POFUT3: variants seen among roughly 807,000 people sequenced by gnomAD.
POFUT3 encodes GDP-fucose protein O-fucosyltransferase 3.
the POFUT3 span, among the ~76,000 whole-genome samples, chr8:33,472,546 C>A: frequency 6.6e-6 from 1 of 152,208 alleles, no homozygotes; most frequent in South Asian, 2.1e-4. Flanking sequence ...TTAAATACGC[C>A]GTATTCTCTG....
At chr8:33,394,565 T>C in the POFUT3 span, among the ~76,000 whole-genome samples, 1 of 152,186 alleles carries the variant, frequency 6.6e-6, no homozygotes, top group African/African-American at 2.4e-5. Context: ...AGTGATAAAG[T>C]TGTTTTTCAC....
At chr8:33,446,285 C>T in the POFUT3 span, among the ~76,000 whole-genome samples, 4 of 151,894 alleles carry the variant, frequency 2.6e-5, 1 homozygote, top group South Asian at 4.2e-4. Flanking sequence ...GGTGAAATGC[C>T]GTCTCTACTC....
the POFUT3 span, among the ~76,000 whole-genome samples, chr8:33,467,105 C>A: frequency 6.7e-6 from 1 of 149,556 alleles, no homozygotes; most frequent in Non-Finnish European, 1.5e-5. Context: ...GACTCTGTCT[C>A]AAAAAAAACA....
the POFUT3 span, among the ~76,000 whole-genome samples, chr8:33,422,205 G>C: frequency 6.6e-6 from 1 of 151,050 alleles, no homozygotes; most frequent in African/African-American, 2.4e-5. Context: ...TTTGCTACTA[G>C]ATAACAGAGG....
chr8:33,330,103 C>T, the POFUT3 span, among the ~76,000 whole-genome samples: 1 of 152,068 alleles, frequency 6.6e-6, no homozygotes, highest in Admixed American at 6.6e-5. Context: ...TAAACGTTTG[C>T]TTCATTCCAA....
the POFUT3 span, among the ~76,000 whole-genome samples, chr8:33,458,140 A>G: frequency 6.6e-6 from 1 of 152,138 alleles, no homozygotes. Flanking sequence ...ACACACAATT[A>G]CAGAGAGAAG....
At chr8:33,317,288 A>C in the POFUT3 span, among the ~76,000 whole-genome samples, 1 of 152,238 alleles carries the variant, frequency 6.6e-6, no homozygotes, top group South Asian at 2.1e-4. Context: ...TGGCACATCA[A>C]TTTCAGATAA....
chr8:33,448,631 T>C, the POFUT3 span, among the ~76,000 whole-genome samples: 1 of 152,008 alleles, frequency 6.6e-6, no homozygotes, highest in Non-Finnish European at 1.5e-5. Context: ...GGTCTCTCTA[T>C]TCATAAAGAC....
At chr8:33,469,316 CA>C in the POFUT3 span, among the ~76,000 whole-genome samples, 1 of 152,168 alleles carries the variant, frequency 6.6e-6, no homozygotes, top group Admixed American at 6.5e-5. Flanking sequence ...GAAAAAAAAG[CA>C]AAAACAAAAA....
At chr8:33,433,625 A>C in the POFUT3 span, among the ~76,000 whole-genome samples, 2 of 150,186 alleles carry the variant, frequency 1.3e-5, no homozygotes, top group African/African-American at 4.9e-5. Flanking sequence ...AAAAAAAAAA[A>C]ATTGAAAAAC....
At chr8:33,472,696 G>T in the POFUT3 span, among the ~76,000 whole-genome samples, 2 of 152,198 alleles carry the variant, frequency 1.3e-5, no homozygotes, top group African/African-American at 2.4e-5. Context: ...CCGCGGACCT[G>T]GGGAGGAGGC....
At chr8:33,309,334 GT>G in the POFUT3 span, among the ~76,000 whole-genome samples, 1 of 141,844 alleles carries the variant, frequency 7.1e-6, no homozygotes, top group Admixed American at 7.0e-5. Flanking sequence ...GATAAAGGTT[GT>G]TTATCCTTAA....
At chr8:33,330,715 T>C in the POFUT3 span, among the ~76,000 whole-genome samples, 12 of 152,196 alleles carry the variant, frequency 7.9e-5, no homozygotes, top group Non-Finnish European at 1.3e-4. Flanking sequence ...TTGTAGTTCA[T>C]ATTATCATTG....
chr8:33,450,441 A>T, the POFUT3 span, among the ~76,000 whole-genome samples: 1 of 152,256 alleles, frequency 6.6e-6, no homozygotes, highest in African/African-American at 2.4e-5. Flanking sequence ...AATGGAAGGT[A>T]TTCAGTAGAT....
chr8:33,329,133 C>T, the POFUT3 span, among the ~76,000 whole-genome samples: 1 of 151,190 alleles, frequency 6.6e-6, no homozygotes. Context: ...AACAATATAC[C>T]ACCTGTCAAA....
chr8:33,406,558 T>C, the POFUT3 span, among the ~76,000 whole-genome samples: 3 of 151,780 alleles, frequency 2.0e-5, no homozygotes, highest in Non-Finnish European at 4.4e-5. Flanking sequence ...TGCCTCAGCC[T>C]CCAGAGTTGG....
At chr8:33,373,362 A>G in the POFUT3 span, among the ~76,000 whole-genome samples, 5 of 152,154 alleles carry the variant, frequency 3.3e-5, no homozygotes, top group Admixed American at 1.3e-4. Context: ...ACATATTACA[A>G]CTAATCCCTG....
the POFUT3 span, among the ~76,000 whole-genome samples, chr8:33,342,641 A>G: frequency 3.3e-5 from 5 of 152,320 alleles, no homozygotes; most frequent in Non-Finnish European, 5.9e-5. Flanking sequence ...GGATGGCCAA[A>G]ACTAAAACTA....
At chr8:33,389,725 C>T in the POFUT3 span, 3 of 1,613,998 alleles carry the variant, frequency 1.9e-6, no homozygotes, top group African/African-American at 4.0e-5. Flanking sequence ...TTTTCGGGGA[C>T]TCTTCATGAA....
Sources: allele counts gnomAD v4.1 joint callset (sites outside exome capture counted in the v4.1 genomes callset), GRCh38; gene constraint gnomAD v4.1.1; transcripts MANE v1.5; gene names NCBI Gene and HGNC (gene_info 2026-07-23, HGNC 2026-07-21).